Variants in DLG5 observed in about 807,000 individuals in gnomAD.
The protein encoded by DLG5 is disks large homolog 5.
DLG5 carries 48 observed loss-of-function variants against 189.8 expected under a neutral mutation model. That is an observed-to-expected ratio of 0.25 (90% CI 0.20 to 0.32). The LOEUF (loss-of-function observed/expected upper bound fraction) is 0.32, where lower values mean the gene tolerates loss of function less well. DLG5 is among the 10% of genes least tolerant of loss of function. DLG5 has a pLI of 1.00. For synonymous variants in DLG5, 1,016 were observed against 1,054.1 expected (o/e 0.96, Z 0.70); for missense variants, 2,160 against 2,544.7 (o/e 0.85, Z 3.25).
chr10:77,802,955 ATAAATGGAGT>A (rs1217642603), intron 27 of DLG5, among the ~76,000 whole-genome samples: 1 of 152,192 alleles, frequency 6.6e-6, no homozygotes, highest in Non-Finnish European at 1.5e-5. Flanking sequence ...TAGAAAAGAG[ATAAATGGAGT>A]TAGTGGTTTG....
chr10:77,914,671 G>A (rs557044243), intron 1 of DLG5, among the ~76,000 whole-genome samples: 1 of 151,882 alleles, frequency 6.6e-6, no homozygotes, highest in South Asian at 2.1e-4. Flanking sequence ...TCTCCTCCCA[G>A]GAGTAACATA....
At position 77,891,217 on chromosome 10, in the gene DLG5, T is replaced by C. The variant is rs576470030; in HGVS notation, c.305-22020A>G. On this transcript the variant is annotated intron_variant, in intron 1 of 31. Coordinates refer to ENST00000372391, the MANE Select transcript of DLG5 (RefSeq NM_004747.4). ...TTCACCTATGAGGCTGGGGTCAGGG[T>C]GGTTTCATGGATGTGTGACCTTGTG... Among the ~76,000 whole-genome samples the C allele has an allele frequency of 8.5e-5, 13 of 152,140 alleles. 1 individual carries two copies. The South Asian group carries it at 2.7e-3, about 32-fold the overall frequency.
rs767936090 is a variant in DLG5, at chr10:77,830,768, C to T, written c.1854G>A (p.Thr618=). 49 of 1,614,094 alleles carry T rather than the reference C, an allele frequency of 3.0e-5. No individual in the cohort carries two copies. The highest frequency in any genetic ancestry group is 3.0e-5 in the Non-Finnish European group (35 of 1,180,038). ...TCTCCCTCTCGAACTCTACAACTTCCGTTTCCCACTCCATGGAATCCGTGT... is the reference window on the plus strand; with the variant it reads ...TCTCCCTCTCGAACTCTACAACTTCTGTTTCCCACTCCATGGAATCCGTGT... The part of the protein sequence containing the change: ...AIDTDSMEWE[T]EVVEFERETE... The change falls in exon 10 of 32, where the codon ACG becomes ACA. Residue 618 remains threonine (T), a synonymous_variant. Transcript: ENST00000372391.
Position 77,805,831 on chromosome 10 carries a change from G to A in DLG5, c.4998C>T (p.Ser1666=). 1 of 1,613,966 alleles carries A rather than the reference G, an allele frequency of 6.2e-7. No homozygotes were observed. Among genetic ancestry groups the A allele is most frequent in the Non-Finnish European group, 8.5e-7 (1 of 1,179,848 alleles). ...VMDQEFSRRL[S]MSEVKDDNSA... is the part of the protein sequence containing the mutation. The stretch of plus-strand genomic sequence containing the variant: ...TATTGTCATCTTTGACTTCAGACAT[G>A]CTGAGCCTCCTGGAGAATTCTTGGT... Residue 1666 remains serine (S), a synonymous_variant, in exon 27 of 32, where the codon AGC becomes AGT. Coordinates refer to ENST00000372391, the MANE Select transcript of DLG5 (RefSeq NM_004747.4).
In DLG5 at chr10:77,861,466, A is replaced by G. The variant is rs550885559; in HGVS notation, c.374-4574T>C. Reference sequence around the variant, plus strand: ...GGCTTTCAAAGAAGCTGGAGAGAGGAGAGGAGGCGGCAGGACAGAAGGAGG... The same window carrying G: ...GGCTTTCAAAGAAGCTGGAGAGAGGGGAGGAGGCGGCAGGACAGAAGGAGG... On this transcript the variant is annotated intron_variant, in intron 2 of 31. Coordinates refer to ENST00000372391, the MANE Select transcript of DLG5 (RefSeq NM_004747.4). Among the ~76,000 whole-genome samples the G allele has an allele frequency of 3.3e-5, 5 of 152,296 alleles. No individual in the cohort carries two copies. In the East Asian group the frequency reaches 9.7e-4, roughly 29 times the overall value.
chr10:77,861,375 G>C (rs1408589363), intron 2 of DLG5, among the ~76,000 whole-genome samples: 2 of 152,158 alleles, frequency 1.3e-5, no homozygotes, highest in Non-Finnish European at 1.5e-5. Context: ...CCTGCCTTTG[G>C]GGAGACAAGA....
chr10:77,822,125 G>T, intron 14 of DLG5, 24 bp from the exon 15 acceptor site: 4 of 1,585,824 alleles, frequency 2.5e-6, no homozygotes, highest in Non-Finnish European at 3.4e-6. Flanking sequence ...GCAGAGGAGT[G>T]AGAGAGAGAG....
At chr10:77,815,204 A>G (rs1024215062) in intron 20 of DLG5, among the ~76,000 whole-genome samples, 1 of 152,186 alleles carries the variant, frequency 6.6e-6, no homozygotes, top group South Asian at 2.1e-4. Context: ...ACAGGCCAGC[A>G]TGCTCCTGCG....
chr10:77,916,549 C>T (rs1223103714), intron 1 of DLG5, among the ~76,000 whole-genome samples: 1 of 152,068 alleles, frequency 6.6e-6, no homozygotes, highest in African/African-American at 2.4e-5. Flanking sequence ...GCCTCAGCCT[C>T]CCAAAATGCT....
chr10:77,833,329 G>A (rs996809937), intron 9 of DLG5, among the ~76,000 whole-genome samples: 2 of 126,266 alleles, frequency 1.6e-5, no homozygotes, highest in Non-Finnish European at 3.2e-5. Context: ...ACTGCTGGAT[G>A]GGGGTTGCAA....
upstream of DLG5, among the ~76,000 whole-genome samples, chr10:77,930,876 A>G (rs1334740935): frequency 2.2e-5 from 3 of 136,338 alleles, no homozygotes; most frequent in African/African-American, 8.5e-5. Context: ...GCTGGAGTGC[A>G]ATGGCATGAT....
intron 2 of DLG5, among the ~76,000 whole-genome samples, chr10:77,861,066 G>C (rs1844451575): frequency 6.6e-6 from 1 of 152,144 alleles, no homozygotes. Context: ...TACACAGGCT[G>C]TTTAACATCC....
intron 1 of DLG5, among the ~76,000 whole-genome samples, chr10:77,896,115 C>T (rs1845750027): frequency 6.7e-6 from 1 of 149,448 alleles, no homozygotes; most frequent in Non-Finnish European, 1.5e-5. Context: ...AGCCAAGATC[C>T]CGCCACAGCA....
At chr10:77,854,666 T>G (rs1480327979) in intron 3 of DLG5, among the ~76,000 whole-genome samples, 1 of 152,048 alleles carries the variant, frequency 6.6e-6, no homozygotes, top group African/African-American at 2.4e-5. Context: ...CAGGTCTGAG[T>G]CCACCAGAAA....
At chr10:77,843,857 C>A in intron 5 of DLG5, 151 bp from the exon 6 acceptor site, 1 of 914,708 alleles carries the variant, frequency 1.1e-6, no homozygotes, top group East Asian at 2.5e-5. Flanking sequence ...TCTTGAGGTC[C>A]AATTCTCCAG....
chr10:77,829,611 C>G (rs1842806390), intron 11 of DLG5, 81 bp from the exon 12 acceptor site: 9 of 1,488,314 alleles, frequency 6.0e-6, no homozygotes, highest in Non-Finnish European at 8.2e-6. Flanking sequence ...ACTCAGGGGG[C>G]TGACTGCCAA....
chr10:77,909,480 T>G (rs758284843), intron 1 of DLG5, among the ~76,000 whole-genome samples: 2 of 152,058 alleles, frequency 1.3e-5, no homozygotes, highest in Non-Finnish European at 2.9e-5. Context: ...GTTCTGCACA[T>G]GTACCCCAGA....
Position 77,819,409 on chromosome 10 carries a change from G to C in DLG5, c.3583C>G (p.Pro1195Ala), listed in dbSNP as rs1218700637. Reference sequence around the variant, plus strand: ...CTGTGACTGCGCACAGTGTAGATGGGGTTCCGCAGGATGGAGCTCACAGTG... The same window carrying C: ...CTGTGACTGCGCACAGTGTAGATGGCGTTCCGCAGGATGGAGCTCACAGTG... Reference protein sequence around the residue: ...STTVSSILRNPIYTVRSHRVG... With the variant: ...STTVSSILRNAIYTVRSHRVG... The change falls in exon 17 of 32, where the codon CCC becomes GCC. Residue 1195 changes from proline to alanine, a missense_variant. By Grantham distance (27) the Pro-to-Ala change is conservative. Transcript: ENST00000372391. The C allele has an allele frequency of 1.2e-6, 2 of 1,613,822 alleles. No individual in the cohort carries two copies. Among genetic ancestry groups the C allele is most frequent in the Non-Finnish European group, 8.5e-7 (1 of 1,179,956 alleles).
intron 1 of DLG5, among the ~76,000 whole-genome samples, chr10:77,906,152 C>T (rs1411948066): frequency 6.6e-6 from 1 of 152,208 alleles, no homozygotes; most frequent in Non-Finnish European, 1.5e-5. Context: ...ACCTGGGGAA[C>T]TGACACCCAT....
Sources: gnomAD v4.1 joint callset for allele counts (sites outside exome capture counted in the v4.1 genomes callset) on GRCh38, gnomAD v4.1.1 for gene constraint, MANE v1.5 for transcripts, NCBI Gene and HGNC (gene_info 2026-07-23, HGNC 2026-07-21) for gene names.